The following MIR2052HG variants were observed in gnomAD, a reference collection of about 807,000 sequenced individuals.
MIR2052HG encodes the protein MIR2052 host gene.
At chr8:74,634,979 CATTA>C (rs1440837951) in intron 2 of MIR2052HG, among the ~76,000 whole-genome samples, 4 of 151,960 alleles carry the variant, frequency 2.6e-5, no homozygotes, top group African/African-American at 9.7e-5. Flanking sequence ...AATGTATATT[CATTA>C]GTCTAATTTT....
chr8:74,609,939 C>T (rs892965154), intron 1 of MIR2052HG: 16 of 151,098 alleles, frequency 1.1e-4, no homozygotes, highest in African/African-American at 4.8e-5. Context: ...AACATTATAT[C>T]GAAACTTCCA....
At chr8:74,712,913 G>A (rs543636494) in intron 4 of MIR2052HG, among the ~76,000 whole-genome samples, 8 of 152,176 alleles carry the variant, frequency 5.3e-5, no homozygotes, top group African/African-American at 7.2e-5. Context: ...GTGTTACAGC[G>A]GGGAATGCAG....
intron 4 of MIR2052HG, among the ~76,000 whole-genome samples, chr8:74,744,516 CT>C (rs1809863271): frequency 6.6e-6 from 1 of 151,932 alleles, no homozygotes; most frequent in African/African-American, 2.4e-5. Flanking sequence ...TGATGTTCCC[CT>C]TCCTGTGTCC....
chr8:74,681,304 T>G (rs1809122271), intron 2 of MIR2052HG, among the ~76,000 whole-genome samples: 1 of 152,104 alleles, frequency 6.6e-6, no homozygotes, highest in South Asian at 2.1e-4. Flanking sequence ...AAAATTAAGA[T>G]TTTTAAGAAA....
chr8:74,656,548 T>A (rs925091574), intron 2 of MIR2052HG, among the ~76,000 whole-genome samples: 4 of 152,200 alleles, frequency 2.6e-5, no homozygotes, highest in Non-Finnish European at 4.4e-5. Flanking sequence ...AAGAAGTACC[T>A]TTCACCTCCT....
At chr8:74,674,521 C>G (rs559473810) in intron 2 of MIR2052HG, among the ~76,000 whole-genome samples, 58 of 151,982 alleles carry the variant, frequency 3.8e-4, no homozygotes, top group African/African-American at 1.1e-3. Flanking sequence ...AAGTTGGATC[C>G]TAATCAGATG....
intron 4 of MIR2052HG, among the ~76,000 whole-genome samples, chr8:74,716,721 G>A (rs1256094480): frequency 6.6e-6 from 1 of 152,030 alleles, no homozygotes; most frequent in Non-Finnish European, 1.5e-5. Flanking sequence ...AAAAAAAAGA[G>A]AATGAATCCA....
In MIR2052HG at chr8:74,750,180, C is replaced by T. The variant is rs78643956; in HGVS notation, n.372-2261C>T. Among the ~76,000 whole-genome samples, 201 of 152,198 alleles carry T rather than the reference C, an allele frequency of 1.3e-3. 4 individuals are homozygous for T. The East Asian group carries it at 0.033, about 25-fold the overall frequency. On this transcript the variant is annotated intron_variant and non_coding_transcript_variant, in intron 4 of 6. Transcript: ENST00000523442. The stretch of plus-strand genomic sequence containing the variant: ...AAATTACTGTCTGATCATTTTGAAG[C>T]GATATCTAGCAGTAATATTTTATAC...
At chr8:74,687,752 G>A (rs1456313142) in intron 2 of MIR2052HG, among the ~76,000 whole-genome samples, 2 of 152,106 alleles carry the variant, frequency 1.3e-5, no homozygotes, top group African/African-American at 4.8e-5. Flanking sequence ...ATAGAGATCT[G>A]CTGTATAACA....
intron 4 of MIR2052HG, among the ~76,000 whole-genome samples, chr8:74,710,452 G>A (rs1426475275): frequency 6.6e-6 from 1 of 152,124 alleles, no homozygotes; most frequent in East Asian, 1.9e-4. Flanking sequence ...CTTAGGGATG[G>A]TCTGGGTACC....
intron 4 of MIR2052HG, among the ~76,000 whole-genome samples, chr8:74,706,818 T>A (rs1021991880): frequency 6.6e-6 from 1 of 151,848 alleles, no homozygotes; most frequent in African/African-American, 2.4e-5. Flanking sequence ...TCTCAGAAAA[T>A]TTTTTTTCAC....
At chr8:74,658,429 C>T (rs57380750) in intron 2 of MIR2052HG, among the ~76,000 whole-genome samples, 16,544 of 150,730 alleles carry the variant, frequency 0.11, 2,084 homozygotes, top group African/African-American at 0.31. Flanking sequence ...CTCTGTCTGT[C>T]GCCCAGGCTG....
chr8:74,626,028 C>T (rs187821693), intron 2 of MIR2052HG, among the ~76,000 whole-genome samples: 4 of 152,238 alleles, frequency 2.6e-5, no homozygotes, highest in Admixed American at 6.5e-5. Context: ...CCTTTCTTCC[C>T]CCACCCTCCA....
In MIR2052HG at chr8:74,737,910, G is replaced by A. The variant is rs529597172; in HGVS notation, n.372-14531G>A. 3.3e-5 allele frequency among the ~76,000 whole-genome samples: 5 copies of A among 152,204 alleles called. No homozygotes were observed. In the East Asian group the frequency reaches 7.7e-4, roughly 24 times the overall value. On this transcript the variant is annotated intron_variant and non_coding_transcript_variant, in intron 4 of 6. Transcript: ENST00000523442. ...AGCTTTACCTACACAAAGCCAACCT[G>A]CTAAACATTTGAAAATATTTTGTTG...
chr8:74,714,480 T>C (rs984830910), intron 4 of MIR2052HG, among the ~76,000 whole-genome samples: 1 of 152,190 alleles, frequency 6.6e-6, no homozygotes, highest in Non-Finnish European at 1.5e-5. Flanking sequence ...TGTATCCAAC[T>C]CTATATTAAA....
rs189639780 is a variant in MIR2052HG, at chr8:74,694,079, A to G, written n.217-8300A>G. Among the ~76,000 whole-genome samples, 4 of 152,272 alleles carry G rather than the reference A, an allele frequency of 2.6e-5. No individual in the cohort carries two copies. The East Asian group carries it at 7.7e-4, about 29-fold the overall frequency. On this transcript the variant is annotated intron_variant and non_coding_transcript_variant, in intron 2 of 6. Transcript: ENST00000523442. ...CAAAACCAACACACTAAACAAAACT[A>G]TAACCAAGGACCCTCACAAAGTCCA... is the stretch of plus-strand genomic sequence containing the variant.
intron 4 of MIR2052HG, among the ~76,000 whole-genome samples, chr8:74,710,966 C>T (rs1033458263): frequency 1.3e-5 from 2 of 152,134 alleles, no homozygotes; most frequent in Non-Finnish European, 2.9e-5. Context: ...CAACCTGCTC[C>T]GTACCTCTAT....
intron 1 of MIR2052HG, among the ~76,000 whole-genome samples, chr8:74,600,413 G>A (rs1554569813): frequency 1.3e-5 from 2 of 151,068 alleles, no homozygotes; most frequent in African/African-American, 2.4e-5. Context: ...GAGAAACCCC[G>A]TTTCCACTAA....
chr8:74,742,167 C>T (rs561038388), intron 4 of MIR2052HG, among the ~76,000 whole-genome samples: 1 of 152,304 alleles, frequency 6.6e-6, no homozygotes, highest in South Asian at 2.1e-4. Context: ...TCCCAGGGCT[C>T]TGAACTATGA....
Sources: gnomAD v4.1 joint callset for allele counts (sites outside exome capture counted in the v4.1 genomes callset) on GRCh38, gnomAD v4.1.1 for gene constraint, MANE v1.5 for transcripts, NCBI Gene and HGNC (gene_info 2026-07-23, HGNC 2026-07-21) for gene names.